The following ARHGEF4 variants were observed in gnomAD, a reference collection of about 807,000 sequenced individuals.
ARHGEF4 encodes APC-stimulated guanine nucleotide exchange factor 1.
In ARHGEF4, 119 loss-of-function variants were observed where a neutral mutation model predicts 162.0. The ratio of observed to expected loss-of-function variants is 0.73; its 90% CI spans 0.63 to 0.86. The LOEUF (loss-of-function observed/expected upper bound fraction) is 0.86. Among genes scored for constraint, ARHGEF4 ranks in the 40% least tolerant of loss-of-function variants. The pLI, the probability that ARHGEF4 is intolerant of heterozygous loss-of-function variation, is 0.00. For missense variants in ARHGEF4, 2,488 were observed against 2,456.0 expected (o/e 1.01, Z -0.28); for synonymous variants, 1,014 against 979.9 (o/e 1.03, Z -0.65).
chr2:130,887,761 C>T (rs543720257), intron 1 of ARHGEF4, among the ~76,000 whole-genome samples: 2 of 152,236 alleles, frequency 1.3e-5, no homozygotes, highest in East Asian at 1.9e-4. Context: ...GGAACCCAGG[C>T]CATTTCTGTG....
chr2:130,914,098 A>G lies in ARHGEF4; in HGVS notation c.152A>G (p.Asp51Gly). The change falls in exon 2 of 14, where the codon GAT (aspartate) becomes GGT (glycine). Residue 51 changes from aspartate (D) to glycine (G), a missense_variant. Coordinates refer to ENST00000409359, the MANE Select transcript of ARHGEF4 (RefSeq NM_001367493.1). ...EQGWNQQTDRDDSETLSQQSE... is the reference protein window; with the variant it reads ...EQGWNQQTDRGDSETLSQQSE... ...GGATGGAACCAGCAAACAGACCGCG[A>G]TGATTCTGAAACGCTGTCCCAGCAG... The G allele has an allele frequency of 1.3e-6, 2 of 1,536,154 alleles. No homozygotes were observed. The highest frequency in any genetic ancestry group is 1.7e-6 in the Non-Finnish European group (2 of 1,146,908).
chr2:131,043,200 T>C (rs922782775), intron 10 of ARHGEF4, among the ~76,000 whole-genome samples: 2 of 152,214 alleles, frequency 1.3e-5, no homozygotes, highest in Non-Finnish European at 2.9e-5. Context: ...ATCTAATTAA[T>C]ATGGATTAGC....
At position 130,914,206 on chromosome 2, in the gene ARHGEF4, G is replaced by A. The variant is rs1034161095; in HGVS notation, c.260G>A (p.Gly87Glu). The change falls in exon 2 of 14, where the codon GGA (glycine) becomes GAA (glutamate). Residue 87 changes from glycine to glutamate, a missense_variant. Around this residue, in one of 6 missense-constraint regions of ARHGEF4, gnomAD observed 171 missense variants for 169.4 expected, o/e 1.01. Coordinates refer to ENST00000409359, the MANE Select transcript of ARHGEF4 (RefSeq NM_001367493.1). Reference protein sequence around the residue: ...TESLSGYLPRGVFHPLRGTPV... With the variant: ...TESLSGYLPREVFHPLRGTPV... ...TCCTTGTCTGGGTACCTCCCGAGGG[G>A]AGTCTTCCACCCTCTAAGAGGTACT... The A allele has an allele frequency of 5.2e-6, 8 of 1,536,094 alleles. No individual in the cohort carries two copies. The highest frequency in any genetic ancestry group is 7.0e-6 in the Non-Finnish European group (8 of 1,146,898).
chr2:130,953,101 C>T (rs1430296470), intron 4 of ARHGEF4, among the ~76,000 whole-genome samples: 1 of 152,064 alleles, frequency 6.6e-6, no homozygotes, highest in Non-Finnish European at 1.5e-5. Flanking sequence ...ATTGCCAAGA[C>T]AATCCTAAGC....
chr2:130,919,626 A>G lies in ARHGEF4; in HGVS notation c.3552+2128A>G, dbSNP rs866553972. Among the ~76,000 whole-genome samples the G allele has an allele frequency of 7.9e-5, 12 of 152,382 alleles. 1 individual carries two copies. In the Middle Eastern group the frequency reaches 0.01, roughly 130 times the overall value. ...CGTGGTGGTTCACACCTGTAATCCC[A>G]GCACTTTGGGAGGCCGAAGCGGGCG... On this transcript the variant is annotated intron_variant, in intron 2 of 13. Coordinates refer to ENST00000409359, the MANE Select transcript of ARHGEF4 (RefSeq NM_001367493.1).
At chr2:131,045,857 C>G (rs1256196710) in intron 13 of ARHGEF4, 181 bp from the exon 14 acceptor site, 10 of 1,474,110 alleles carry the variant, frequency 6.8e-6, no homozygotes, top group Non-Finnish European at 8.9e-6. Context: ...AGGCCAGAGA[C>G]CCCAGGCAGC....
intron 1 of ARHGEF4, among the ~76,000 whole-genome samples, chr2:130,903,573 T>C (rs1680638547): frequency 6.6e-6 from 1 of 152,180 alleles, no homozygotes; most frequent in Admixed American, 6.5e-5. Flanking sequence ...TTTTTTAAGA[T>C]CCAAGCTGTA....
At chr2:131,020,032 G>A (rs187983550) in intron 4 of ARHGEF4, among the ~76,000 whole-genome samples, 1 of 152,234 alleles carries the variant, frequency 6.6e-6, no homozygotes, top group Non-Finnish European at 1.5e-5. Context: ...TGATTTTTGT[G>A]TGTTAATTTA....
At chr2:130,874,156 T>A (rs1285065979) in intron 1 of ARHGEF4, among the ~76,000 whole-genome samples, 1 of 152,202 alleles carries the variant, frequency 6.6e-6, no homozygotes, top group African/African-American at 2.4e-5. Context: ...CGCTGGGGGA[T>A]CTCCCTATCA....
chr2:131,033,699 T>A (rs562809116), intron 5 of ARHGEF4, among the ~76,000 whole-genome samples: 1 of 152,088 alleles, frequency 6.6e-6, no homozygotes, highest in Non-Finnish European at 1.5e-5. Context: ...TCCTGACAGC[T>A]TGGGGGAGCA....
intron 4 of ARHGEF4, among the ~76,000 whole-genome samples, chr2:130,986,180 C>A (rs543428589): frequency 6.6e-6 from 1 of 150,984 alleles, no homozygotes; most frequent in South Asian, 2.1e-4. Context: ...TTGTGTTGCA[C>A]GTGCATGTGT....
chr2:130,965,467 T>C (rs1381220334), intron 4 of ARHGEF4, among the ~76,000 whole-genome samples: 2 of 152,238 alleles, frequency 1.3e-5, no homozygotes, highest in African/African-American at 4.8e-5. Context: ...TTTTCCATTG[T>C]TCTGCAGCTC....
intron 1 of ARHGEF4, among the ~76,000 whole-genome samples, chr2:130,866,828 T>C (rs1682311319): frequency 6.6e-6 from 1 of 152,232 alleles, no homozygotes; most frequent in Admixed American, 6.5e-5. Context: ...AGTTGGTGTG[T>C]AGTTTTTCTT....
At chr2:130,843,305 C>T (rs1038648894) in intron 1 of ARHGEF4, among the ~76,000 whole-genome samples, 4 of 152,180 alleles carry the variant, frequency 2.6e-5, no homozygotes, top group African/African-American at 9.6e-5. Context: ...CCACCTACAT[C>T]CTTGAACTCT....
intron 4 of ARHGEF4, among the ~76,000 whole-genome samples, chr2:130,993,832 A>C (rs1291611359): frequency 6.6e-6 from 1 of 151,842 alleles, no homozygotes. Context: ...CCCAGGCTGG[A>C]GTGCAATGGT....
intron 1 of ARHGEF4, among the ~76,000 whole-genome samples, chr2:130,864,192 A>G (rs1574115522): frequency 6.7e-6 from 1 of 148,598 alleles, no homozygotes; most frequent in East Asian, 1.9e-4. Context: ...AAAGAAAGAA[A>G]GAAAGAAAGA....
intron 3 of ARHGEF4, among the ~76,000 whole-genome samples, 178 bp from the exon 4 acceptor site, chr2:130,946,331 G>C (rs922279579): frequency 2.0e-5 from 3 of 152,190 alleles, no homozygotes; most frequent in African/African-American, 7.2e-5. Context: ...GCAGACTCCA[G>C]GTGAAGTTTT....
intron 4 of ARHGEF4, among the ~76,000 whole-genome samples, chr2:130,952,050 TAAG>T (rs1372899534): frequency 6.6e-6 from 1 of 152,230 alleles, no homozygotes. Context: ...AGTTGCATGT[TAAG>T]AGAAGAAAGG....
At chr2:131,032,035 C>T (rs971000739) in intron 5 of ARHGEF4, among the ~76,000 whole-genome samples, 1 of 152,122 alleles carries the variant, frequency 6.6e-6, no homozygotes, top group Admixed American at 6.5e-5. Context: ...TCCCATTGCC[C>T]ACTGGCACCT....
Sources: allele counts gnomAD v4.1 joint callset (sites outside exome capture counted in the v4.1 genomes callset), GRCh38; gene constraint gnomAD v4.1.1; regional missense constraint gnomAD v4.1.1; transcripts MANE v1.5; gene names NCBI Gene and HGNC (gene_info 2026-07-23, HGNC 2026-07-21).